The following TENM3 variants were observed in gnomAD, a reference collection of about 807,000 sequenced individuals.
The protein encoded by TENM3 is teneurin transmembrane protein 3, also known as teneurin-3.
TENM3 carries 63 observed loss-of-function variants against 255.1 expected under a neutral mutation model. That is an observed-to-expected ratio of 0.25 (90% CI 0.20 to 0.30). TENM3 has a LOEUF of 0.30. Among genes scored for constraint, TENM3 ranks in the 10% least tolerant of loss-of-function variants. TENM3 has a pLI of 1.00. For synonymous variants in TENM3, 1,306 were observed against 1,322.3 expected (o/e 0.99, Z 0.27); for missense variants, 2,929 against 3,461.1 (o/e 0.85, Z 3.86).
chr4:181,641,243 T>A, the TENM3 span, among the ~76,000 whole-genome samples: 2 of 152,016 alleles, frequency 1.3e-5, no homozygotes, highest in Admixed American at 1.3e-4. Context: ...CGTGCAGGTT[T>A]GTTACATGGG....
the TENM3 span, among the ~76,000 whole-genome samples, chr4:181,919,466 C>A: frequency 6.6e-6 from 1 of 151,386 alleles, no homozygotes; most frequent in Non-Finnish European, 1.5e-5. Flanking sequence ...CTGAATTCAG[C>A]TTTTTAAAGC....
the TENM3 span, among the ~76,000 whole-genome samples, chr4:181,983,308 G>C: frequency 6.6e-6 from 1 of 152,068 alleles, no homozygotes; most frequent in East Asian, 1.9e-4. Flanking sequence ...GTGACCTAAG[G>C]GAAGGGATAC....
At chr4:181,927,615 T>A in the TENM3 span, among the ~76,000 whole-genome samples, 1 of 152,164 alleles carries the variant, frequency 6.6e-6, no homozygotes, top group African/African-American at 2.4e-5. Context: ...ACTTAAACAT[T>A]CCTGCCTGCC....
At chr4:182,244,143 C>T (rs1290335893) in intron 1 of TENM3, among the ~76,000 whole-genome samples, 14 of 149,380 alleles carry the variant, frequency 9.4e-5, no homozygotes, top group Admixed American at 2.7e-4. Context: ...TTAGTAGAGA[C>T]GGGGTTTCAC....
At chr4:181,981,331 TG>T in the TENM3 span, among the ~76,000 whole-genome samples, 1 of 152,206 alleles carries the variant, frequency 6.6e-6, no homozygotes, top group Non-Finnish European at 1.5e-5. Context: ...TTACGGGCTT[TG>T]GGGCTCCTCA....
intron 1 of TENM3, among the ~76,000 whole-genome samples, chr4:182,160,297 C>T (rs1362338892): frequency 6.6e-6 from 1 of 152,056 alleles, no homozygotes; most frequent in Non-Finnish European, 1.5e-5. Flanking sequence ...CCACCGCGCC[C>T]GCCTATTCCG....
At chr4:181,903,497 T>C in the TENM3 span, among the ~76,000 whole-genome samples, 1 of 152,200 alleles carries the variant, frequency 6.6e-6, no homozygotes, top group Non-Finnish European at 1.5e-5. Context: ...TCCAGCTTCA[T>C]TAGGCGATAC....
At chr4:182,256,545 T>C (rs1451942773) in intron 1 of TENM3, among the ~76,000 whole-genome samples, 4 of 152,166 alleles carry the variant, frequency 2.6e-5, no homozygotes, top group South Asian at 2.1e-4. Flanking sequence ...ACTCTCAAAA[T>C]ATGTGTATAT....
At chr4:182,574,379 C>G (rs1007859750) in intron 3 of TENM3, among the ~76,000 whole-genome samples, 7 of 152,034 alleles carry the variant, frequency 4.6e-5, no homozygotes, top group Non-Finnish European at 8.8e-5. Flanking sequence ...TTATGGATTG[C>G]TGTCATTTGG....
intron 3 of TENM3, among the ~76,000 whole-genome samples, chr4:182,589,465 T>TG (rs1320259950): frequency 7.5e-6 from 1 of 133,728 alleles, no homozygotes; most frequent in Admixed American, 7.6e-5. Flanking sequence ...TTTTTTTTTT[T>TG]GGTCCTTAAT....
chr4:181,748,514 C>T, the TENM3 span, among the ~76,000 whole-genome samples: 1 of 152,102 alleles, frequency 6.6e-6, no homozygotes. Context: ...GTTTCTGTAT[C>T]GAAATTACTA....
intron 7 of TENM3, among the ~76,000 whole-genome samples, chr4:182,678,652 C>T (rs977627028): frequency 6.6e-6 from 1 of 152,202 alleles, no homozygotes; most frequent in Non-Finnish European, 1.5e-5. Flanking sequence ...ATTCAGATTC[C>T]TTCACCTGTA....
chr4:181,476,232 A>C, the TENM3 span, among the ~76,000 whole-genome samples: 5 of 141,490 alleles, frequency 3.5e-5, no homozygotes, highest in East Asian at 9.9e-4. Flanking sequence ...TTTGACATTG[A>C]TAATATAGGC....
chr4:181,902,093 G>T, the TENM3 span, among the ~76,000 whole-genome samples: 57 of 133,596 alleles, frequency 4.3e-4, no homozygotes, highest in South Asian at 0.015. Flanking sequence ...CAATAAAGAG[G>T]TAAATGCGTG....
At chr4:181,563,659 T>G in the TENM3 span, among the ~76,000 whole-genome samples, 4 of 152,320 alleles carry the variant, frequency 2.6e-5, 1 homozygote, top group Non-Finnish European at 5.9e-5. Context: ...GAATTTGAGA[T>G]GCAGACATAC....
the TENM3 span, among the ~76,000 whole-genome samples, chr4:181,972,116 A>T: frequency 1.3e-5 from 2 of 152,030 alleles, no homozygotes. Flanking sequence ...AAAATAGCTT[A>T]ACATCTCTCT....
the TENM3 span, among the ~76,000 whole-genome samples, chr4:181,544,720 T>C: frequency 1.3e-5 from 2 of 152,200 alleles, no homozygotes; most frequent in East Asian, 3.9e-4. Context: ...ACCATAGGAT[T>C]CCATTCAGAC....
At chr4:181,730,164 G>A in the TENM3 span, among the ~76,000 whole-genome samples, 2 of 152,164 alleles carry the variant, frequency 1.3e-5, no homozygotes, top group Admixed American at 1.3e-4. Context: ...TCAAGTGCAT[G>A]TAATGAGTAA....
chr4:182,218,565 T>G (rs1259157517), intron 1 of TENM3, among the ~76,000 whole-genome samples: 1 of 152,214 alleles, frequency 6.6e-6, no homozygotes, highest in Non-Finnish European at 1.5e-5. Flanking sequence ...ATGCAGTAAG[T>G]GACTTCAAAT....
Sources: gnomAD v4.1 joint callset for allele counts (sites outside exome capture counted in the v4.1 genomes callset) on GRCh38, gnomAD v4.1.1 for gene constraint, MANE v1.5 for transcripts, NCBI Gene and HGNC (gene_info 2026-07-23, HGNC 2026-07-21) for gene names.